The following LAMA1 variants were observed in gnomAD, a reference collection of about 807,000 sequenced individuals.
LAMA1 encodes laminin subunit alpha 1, also known as laminin subunit alpha-1.
Under a neutral mutation model 348.7 loss-of-function variants are expected in LAMA1, and 219 were observed. The ratio of observed to expected loss-of-function variants is 0.63; its 90% CI spans 0.56 to 0.70. The LOEUF is 0.70. LAMA1 is among the 30% of genes least tolerant of loss of function. The probability of loss-of-function intolerance (pLI) is 0.00; values close to 1 mark genes in which losing one functional copy is unlikely to be tolerated. For missense variants in LAMA1, 3,744 were observed against 3,888.0 expected (o/e 0.96, Z 0.99); for synonymous variants, 1,487 against 1,491.0 (o/e 1.00, Z 0.06).
At chr18:7,092,537 A>G (rs2058243503) in intron 1 of LAMA1, among the ~76,000 whole-genome samples, 1 of 151,862 alleles carries the variant, frequency 6.6e-6, no homozygotes, top group Admixed American at 6.6e-5. Context: ...AGGCAGGAGA[A>G]TCACTTGAAC....
rs555590731 is a variant in LAMA1, at chr18:6,971,714, T to C, written c.6899+143A>G. 20 of 1,123,888 alleles carry C rather than the reference T, an allele frequency of 1.8e-5. No homozygotes were observed. In the East Asian group the frequency reaches 4.9e-4, roughly 27 times the overall value. The allele number at this position is 1,123,888 out of a possible 1,614,324, so 69.6% of individuals were successfully genotyped here. A position where few individuals can be genotyped will look rare whatever the true frequency, so the allele number is the denominator to read the frequency against. ...TTGACAATAAACGTATGAAAAAGCA[T>C]GGCTTTGTAATTGGCAGCTAAACAC... is the stretch of plus-strand genomic sequence containing the variant. On this transcript the variant is annotated intron_variant, in intron 48 of 62. Coordinates refer to ENST00000389658, the MANE Select transcript of LAMA1 (RefSeq NM_005559.4).
intron 19 of LAMA1, among the ~76,000 whole-genome samples, chr18:7,019,149 G>A (rs1047672098): frequency 1.3e-5 from 2 of 151,268 alleles, no homozygotes; most frequent in African/African-American, 2.4e-5. Flanking sequence ...TCCAAGTTTC[G>A]CATAGTGTCC....
chr18:7,096,759 C>CA (rs2058262870), intron 1 of LAMA1, among the ~76,000 whole-genome samples: 1 of 152,144 alleles, frequency 6.6e-6, no homozygotes, highest in Non-Finnish European at 1.5e-5. Flanking sequence ...AATTCTCTCC[C>CA]ACCCAAAAAA....
chr18:7,104,803 T>C (rs1019409684), intron 1 of LAMA1, among the ~76,000 whole-genome samples: 2 of 152,222 alleles, frequency 1.3e-5, no homozygotes, highest in African/African-American at 4.8e-5. Context: ...ACATGCTACA[T>C]TGGACTTCAT....
intron 21 of LAMA1, 139 bp from the exon 22 acceptor site, chr18:7,015,997 C>G: frequency 1.0e-6 from 1 of 993,002 alleles, no homozygotes; most frequent in Non-Finnish European, 1.5e-6. Context: ...TTCCCAAGAC[C>G]CCTCCATGTC....
chr18:7,073,992 G>A (rs577601281), intron 3 of LAMA1, among the ~76,000 whole-genome samples: 9 of 152,192 alleles, frequency 5.9e-5, no homozygotes, highest in African/African-American at 1.9e-4. Context: ...TGGCCACCAC[G>A]CCCGGCTAAT....
chr18:6,965,444 A>C lies in LAMA1; in HGVS notation c.7051-12T>G, dbSNP rs1415145365. The stretch of plus-strand genomic sequence containing the variant: ...GATAAAAAGTCTTTCTGTAAAAAAG[A>C]GAACACAGTTCCCCAGGTTATAGCT... On this transcript the variant is annotated splice_polypyrimidine_tract_variant and intron_variant, in intron 49 of 62. Transcript: ENST00000389658. 1.9e-6 allele frequency: 3 copies of C among 1,614,030 alleles called. No individual in the cohort carries two copies. The highest frequency in any genetic ancestry group is 4.5e-5 in the East Asian group (2 of 44,886).
intron 47 of LAMA1, 75 bp downstream of exon 47, chr18:6,972,982 C>A: frequency 1.9e-6 from 3 of 1,560,808 alleles, no homozygotes; most frequent in Non-Finnish European, 1.8e-6. Flanking sequence ...TGAGCCACCA[C>A]GCCCGGCCCA....
chr18:6,992,515 TTC>T (rs761600926), intron 36 of LAMA1, 44 bp downstream of exon 36: 1 of 1,602,192 alleles, frequency 6.2e-7, no homozygotes, highest in Non-Finnish European at 8.6e-7. Flanking sequence ...GCGTGCAAGT[TTC>T]TCTCTCTACT....
intron 16 of LAMA1, among the ~76,000 whole-genome samples, chr18:7,028,925 GT>G (rs1360738975): frequency 5.9e-5 from 9 of 152,202 alleles, no homozygotes; most frequent in Non-Finnish European, 1.3e-4. Flanking sequence ...ATTTCCCCGT[GT>G]CCCCTTCTCC....
At chr18:7,081,746 C>T (rs534767109) in intron 1 of LAMA1, among the ~76,000 whole-genome samples, 9 of 152,282 alleles carry the variant, frequency 5.9e-5, no homozygotes, top group African/African-American at 1.9e-4. Context: ...GAGACATTCT[C>T]CAGGCATGGA....
intron 1 of LAMA1, among the ~76,000 whole-genome samples, chr18:7,115,299 G>C (rs1264094290): frequency 6.6e-6 from 1 of 152,142 alleles, no homozygotes; most frequent in Non-Finnish European, 1.5e-5. Context: ...TAGAAAAAAA[G>C]AAGGGATAGT....
intron 1 of LAMA1, among the ~76,000 whole-genome samples, chr18:7,085,466 T>C (rs1475747143): frequency 6.9e-6 from 1 of 145,944 alleles, no homozygotes; most frequent in Non-Finnish European, 1.5e-5. Flanking sequence ...TCGCCCAGGC[T>C]GTAGTGCAGT....
In LAMA1 at chr18:6,942,203, G is replaced by A. The variant is rs147708500; in HGVS notation, c.9104C>T (p.Ser3035Leu). The A allele has an allele frequency of 6.2e-6, 10 of 1,614,052 alleles. No individual in the cohort carries two copies. The highest frequency in any genetic ancestry group is 5.3e-5 in the African/African-American group (4 of 74,930). The change falls in exon 63 of 63, where the codon TCG becomes TTG. Residue 3035 changes from serine (S) to leucine (L), a missense_variant. Around this residue, in one of 3 missense-constraint regions of LAMA1, gnomAD observed 232 missense variants for 264.4 expected, o/e 0.88. Transcript: ENST00000389658. ...TAGCTTCCTCAAACACCCGCGGAAC[G>A]AGGTCTGGCTGCGCAGGCATTTTTG... ...VKQKCLRSQT[S>L]FRGCLRKLAL...
intron 56 of LAMA1, 117 bp from the exon 57 acceptor site, chr18:6,955,582 C>T: frequency 1.4e-6 from 1 of 736,714 alleles, no homozygotes; most frequent in East Asian, 2.7e-5. Context: ...CAGCAACAAC[C>T]ACCAGTGCCT....
At chr18:7,015,927 T>C (rs1456082703) in intron 21 of LAMA1, 69 bp from the exon 22 acceptor site, 1 of 1,583,486 alleles carries the variant, frequency 6.3e-7, no homozygotes, top group Admixed American at 1.7e-5. Flanking sequence ...GCTGATGCTG[T>C]TATTTCCCTT....
rs771642556 is a variant in LAMA1, at chr18:7,050,757, C to T, written c.525G>A (p.Arg175=). The change falls in exon 4 of 63, where the codon AGG becomes AGA. Residue 175 remains arginine, a synonymous_variant. Transcript: ENST00000389658. The stretch of plus-strand genomic sequence containing the variant: ...AGGTGCAGATCACTTCATCATCAGC[C>T]CTGTAGGTGGGTGGCCCTCGTCTTG... ...ITPRRGPPTY[R]ADDEVICTSY... 15 of 1,613,952 alleles carry T rather than the reference C, an allele frequency of 9.3e-6. No homozygotes were observed. The highest frequency in any genetic ancestry group is 1.3e-5 in the Non-Finnish European group (15 of 1,180,024).
intron 56 of LAMA1, 126 bp downstream of exon 56, chr18:6,956,510 T>C: frequency 1.2e-6 from 1 of 823,910 alleles, no homozygotes; most frequent in East Asian, 3.3e-5. Context: ...TTAGCACAGC[T>C]CCAGCTCCAG....
In LAMA1 at chr18:6,970,389, G is replaced by C. The variant is rs138340115; in HGVS notation, c.6899+1468C>G. Reference sequence around the variant, plus strand: ...TCCAGTTTATAAAGCATTTTCACACGCATCATGTTGTGTGTTCATCACTGT... The same window carrying C: ...TCCAGTTTATAAAGCATTTTCACACCCATCATGTTGTGTGTTCATCACTGT... On this transcript the variant is annotated intron_variant, in intron 48 of 62. Coordinates refer to ENST00000389658, the MANE Select transcript of LAMA1 (RefSeq NM_005559.4). 2.7e-4 allele frequency among the ~76,000 whole-genome samples: 41 copies of C among 152,248 alleles called. No homozygotes were observed. In the East Asian group the frequency reaches 4.2e-3, roughly 16 times the overall value.
Sources: gnomAD v4.1 joint callset for allele counts (sites outside exome capture counted in the v4.1 genomes callset) on GRCh38, gnomAD v4.1.1 for gene constraint, gnomAD v4.1.1 regional missense constraint, MANE v1.5 for transcripts, NCBI Gene and HGNC (gene_info 2026-07-23, HGNC 2026-07-21) for gene names.